Variants in PSMA6 observed in about 807,000 individuals in gnomAD.
The protein encoded by PSMA6 is proteasome 20S subunit alpha 6.
For synonymous variants in PSMA6, 88 were observed against 97.7 expected (o/e 0.90, Z 0.59); for missense variants, 170 against 294.8 (o/e 0.58, Z 3.10).
chr14:35,316,807 A>C (rs1257369473), intron 6 of PSMA6: 1 of 157,158 alleles, frequency 6.4e-6, no homozygotes, highest in Non-Finnish European at 1.4e-5. Context: ...CAGAGCTTGC[A>C]GTGAGCCGAG....
intron 1 of PSMA6, among the ~76,000 whole-genome samples, chr14:35,286,245 G>T (rs573673105): frequency 6.6e-6 from 1 of 152,294 alleles, no homozygotes; most frequent in Admixed American, 6.5e-5. Context: ...CATTTTCAAA[G>T]TTCACAATAT....
chr14:35,314,218 G>A lies in PSMA6; in HGVS notation c.589-143G>A, dbSNP rs2051996320. ...CATCATTGGGAGGCAATACATTAGA[G>A]TTAAGCAGTCTGTTAGTAACATTGA... On this transcript the variant is annotated intron_variant, in intron 5 of 6. Coordinates refer to ENST00000261479, the MANE Select transcript of PSMA6 (RefSeq NM_002791.3). 6 of 978,884 alleles carry A rather than the reference G, an allele frequency of 6.1e-6. No individual in the cohort carries two copies. The South Asian group carries it at 1.3e-4, about 22-fold the overall frequency. The allele number at this position is 978,884 out of a possible 1,614,324, so 60.6% of individuals were successfully genotyped here. A position where few individuals can be genotyped will look rare whatever the true frequency, so the allele number is the denominator to read the frequency against.
intron 1 of PSMA6, among the ~76,000 whole-genome samples, chr14:35,284,283 C>T (rs2051398383): frequency 6.6e-6 from 1 of 152,046 alleles, no homozygotes; most frequent in South Asian, 2.1e-4. Flanking sequence ...ATTGTGGTGC[C>T]TCCCATATTG....
intron 1 of PSMA6, 30 bp from the exon 2 acceptor site, chr14:35,307,964 C>T: frequency 1.9e-6 from 3 of 1,600,312 alleles, no homozygotes; most frequent in Non-Finnish European, 2.6e-6. Flanking sequence ...TAATTTATTC[C>T]AACTTAAAAA....
intron 1 of PSMA6, among the ~76,000 whole-genome samples, chr14:35,296,456 G>C (rs550643191): frequency 6.6e-6 from 1 of 151,942 alleles, no homozygotes; most frequent in Non-Finnish European, 1.5e-5. Context: ...TCAGCCTCCC[G>C]AGTAGCTGGG....
intron 1 of PSMA6, among the ~76,000 whole-genome samples, chr14:35,303,117 T>G (rs1488649110): frequency 6.6e-6 from 1 of 152,184 alleles, no homozygotes; most frequent in African/African-American, 2.4e-5. Context: ...TCCTGGACAT[T>G]TATGAATGTT....
chr14:35,297,358 G>T (rs1269444512), intron 1 of PSMA6, among the ~76,000 whole-genome samples: 1 of 151,826 alleles, frequency 6.6e-6, no homozygotes, highest in Non-Finnish European at 1.5e-5. Context: ...TGGGACTGTA[G>T]GCGCCTGCCT....
At chr14:35,315,593 A>G (rs974384252) in intron 6 of PSMA6, 1 of 151,956 alleles carries the variant, frequency 6.6e-6, no homozygotes, top group African/African-American at 2.4e-5. Context: ...GACAACACCA[A>G]AAGCGAATCT....
chr14:35,309,376 A>G (rs1475023073), intron 3 of PSMA6, among the ~76,000 whole-genome samples: 2 of 152,182 alleles, frequency 1.3e-5, no homozygotes, highest in Non-Finnish European at 2.9e-5. Flanking sequence ...TAGGTTGGGC[A>G]CAGTGGCTCA....
upstream of PSMA6, chr14:35,292,287 C>G: frequency 2.1e-6 from 3 of 1,412,916 alleles, no homozygotes; most frequent in Non-Finnish European, 2.8e-6. Flanking sequence ...CTCCACCACC[C>G]CCTTAGGGGG....
intron 4 of PSMA6, among the ~76,000 whole-genome samples, chr14:35,311,818 A>AATGAAG (rs1276905564): frequency 1.6e-4 from 25 of 152,222 alleles, no homozygotes; most frequent in African/African-American, 6.0e-4. Context: ...TACCAACAGT[A>AATGAAG]ATGAAGATGG....
At chr14:35,312,506 CAAAA>C (rs200184285) in intron 4 of PSMA6, among the ~76,000 whole-genome samples, 243 of 100,186 alleles carry the variant, frequency 2.4e-3, no homozygotes, top group African/African-American at 0.012. Context: ...GAGTCTGTCT[CAAAA>C]AAAAAAAAAA....
At chr14:35,296,374 AGGCT>A (rs2051587168) in intron 1 of PSMA6, among the ~76,000 whole-genome samples, 1 of 152,172 alleles carries the variant, frequency 6.6e-6, no homozygotes, top group African/African-American at 2.4e-5. Context: ...TTGGTCGCCC[AGGCT>A]AGAGTGCAAT....
intron 1 of PSMA6, among the ~76,000 whole-genome samples, chr14:35,305,773 G>A (rs940340322): frequency 5.3e-5 from 8 of 152,204 alleles, no homozygotes; most frequent in Non-Finnish European, 8.8e-5. Context: ...CCATGAGCAT[G>A]TATTGATTTT....
At chr14:35,313,102 A>G (rs1367409474) in intron 5 of PSMA6, 43 bp downstream of exon 5, 1 of 1,458,670 alleles carries the variant, frequency 6.9e-7, no homozygotes, top group East Asian at 2.6e-5. Flanking sequence ...TGCTATATAG[A>G]ACAGTGAGGA....
chr14:35,294,969 T>A lies in PSMA6; in HGVS notation c.76+2417T>A, dbSNP rs149337034. Among the ~76,000 whole-genome samples, 658 of 152,326 alleles carry A rather than the reference T, an allele frequency of 4.3e-3. 3 individuals are homozygous for A. The highest frequency in any genetic ancestry group is 7.7e-3 in the Non-Finnish European group (527 of 68,028). On this transcript the variant is annotated intron_variant, in intron 1 of 6. Coordinates refer to ENST00000261479, the MANE Select transcript of PSMA6 (RefSeq NM_002791.3). Reference sequence around the variant, plus strand: ...TAATGGAAGGTAACTATGCTCTTTATCTTCCATACTTGGGACTCAAAAGAT... The same window carrying A: ...TAATGGAAGGTAACTATGCTCTTTAACTTCCATACTTGGGACTCAAAAGAT...
upstream of PSMA6, among the ~76,000 whole-genome samples, chr14:35,288,980 C>CTA (rs1744194561): frequency 6.6e-6 from 1 of 151,980 alleles, no homozygotes; most frequent in Non-Finnish European, 1.5e-5. Flanking sequence ...TTTTTTTAGC[C>CTA]CATCACTTAT....
At chr14:35,298,413 C>T (rs1202532636) in intron 1 of PSMA6, among the ~76,000 whole-genome samples, 1 of 151,848 alleles carries the variant, frequency 6.6e-6, no homozygotes, top group Non-Finnish European at 1.5e-5. Flanking sequence ...TTGCTTGAGC[C>T]CGGGAGGTGG....
chr14:35,297,333 A>G (rs2051616358), intron 1 of PSMA6, among the ~76,000 whole-genome samples: 2 of 151,780 alleles, frequency 1.3e-5, no homozygotes, highest in South Asian at 2.1e-4. Context: ...CTCCTGCCTC[A>G]GCCTCCTGAG....
Sources: gnomAD v4.1 joint callset for allele counts (sites outside exome capture counted in the v4.1 genomes callset) on GRCh38, gnomAD v4.1.1 for gene constraint, MANE v1.5 for transcripts, NCBI Gene and HGNC (gene_info 2026-07-23, HGNC 2026-07-21) for gene names.